The following CRYZL1 variants were observed in gnomAD, a reference collection of about 807,000 sequenced individuals.
The protein encoded by CRYZL1 is ferry endosomal RAB5 effector complex subunit 4.
Under a neutral mutation model 50.6 loss-of-function variants are expected in CRYZL1, and 34 were observed. The observed-to-expected ratio is 0.67, with a 90% CI of 0.51 to 0.89. The LOEUF (loss-of-function observed/expected upper bound fraction) is 0.89. CRYZL1 is among the 40% of genes least tolerant of loss of function. The pLI is 0.00. For synonymous variants in CRYZL1, 125 were observed against 134.3 expected (o/e 0.93, Z 0.48); for missense variants, 354 against 402.3 (o/e 0.88, Z 1.03).
chr21:33,613,216 G>GT (rs1478089356), intron 6 of CRYZL1, among the ~76,000 whole-genome samples: 3 of 151,842 alleles, frequency 2.0e-5, no homozygotes, highest in Admixed American at 6.6e-5. Context: ...ATAACCAAGA[G>GT]TAAAAAAAAA....
At chr21:33,592,121 T>C (rs1345550658) in intron 11 of CRYZL1, among the ~76,000 whole-genome samples, 2 of 151,532 alleles carry the variant, frequency 1.3e-5, no homozygotes, top group African/African-American at 4.8e-5. Flanking sequence ...TTTTTTATTG[T>C]CGTATTATTA....
chr21:33,602,235 T>G lies in CRYZL1; in HGVS notation c.576A>C (p.Ile192=), dbSNP rs1389097677. The change falls in exon 8 of 13, where the codon ATA becomes ATC. Residue 192 remains isoleucine (I), a splice_region_variant and synonymous_variant. Transcript: ENST00000381554. The part of the protein sequence containing the change: ...KQCLERFRPP[I]ARVIDVSNGK... ...GTCTGTGCTCATAATATTACCCACCTATGGGAGGTCTGAATCTTTCAAGGC... is the reference window on the plus strand; with the variant it reads ...GTCTGTGCTCATAATATTACCCACCGATGGGAGGTCTGAATCTTTCAAGGC... 6.6e-7 allele frequency: 1 copy of G among 1,516,044 alleles called. No individual in the cohort carries two copies. The highest frequency in any genetic ancestry group is 1.7e-5 in the Admixed American group (1 of 59,786). The allele number at this position is 1,516,044 out of a possible 1,614,324, so 93.9% of individuals were successfully genotyped here.
Position 33,621,313 on chromosome 21 carries a change from AAAAAAAC to A in CRYZL1, c.217+676_217+682del, listed in dbSNP as rs780402717. Among the ~76,000 whole-genome samples the A allele has an allele frequency of 3.2e-4, 49 of 151,792 alleles. 1 individual carries two copies. The highest frequency in any genetic ancestry group is 6.6e-4 in the Non-Finnish European group (45 of 67,962). On this transcript the variant is annotated intron_variant, in intron 4 of 12. Transcript: ENST00000381554. ...AAATGACAGCTGATGAACCAAAAAA[AAAAAAAC>A]ATCATGTAATTTTTTTTCAAATTAA...
intron 4 of CRYZL1, among the ~76,000 whole-genome samples, chr21:33,621,585 C>A (rs1030299011): frequency 2.0e-5 from 3 of 152,066 alleles, no homozygotes; most frequent in Non-Finnish European, 4.4e-5. Flanking sequence ...TTGTGATCCG[C>A]CCGCCTCAGC....
At chr21:33,641,155 G>T in intron 1 of CRYZL1, 10 of 1,550,038 alleles carry the variant, frequency 6.5e-6, no homozygotes, top group South Asian at 2.4e-5. Flanking sequence ...CCCCGACCCA[G>T]ACCTATCCCA....
chr21:33,613,579 G>C lies in CRYZL1; in HGVS notation c.290C>G (p.Pro97Arg). Reference sequence around the variant, plus strand: ...TACTCTAACAACTTCACAAAGTCCAGGGTCTTCAGAGTCCAGGGGCAAAAT... The same window carrying C: ...TACTCTAACAACTTCACAAAGTCCACGGTCTTCAGAGTCCAGGGGCAAAAT... Reference protein sequence around the residue: ...VGILPLDSEDPGLCEVVRVHE... With the variant: ...VGILPLDSEDRGLCEVVRVHE... Residue 97 changes from proline to arginine, a missense_variant, in exon 6 of 13, where the codon CCT becomes CGT. By Grantham distance (103) the Pro-to-Arg change is moderately radical. Coordinates refer to ENST00000381554, the MANE Select transcript of CRYZL1 (RefSeq NM_145858.3). 1 of 1,613,380 alleles carries C rather than the reference G, an allele frequency of 6.2e-7. No individual in the cohort carries two copies. Among genetic ancestry groups the C allele is most frequent in the Non-Finnish European group, 8.5e-7 (1 of 1,179,428 alleles).
intron 1 of CRYZL1, chr21:33,640,148 T>C: frequency 6.5e-7 from 1 of 1,548,154 alleles, no homozygotes; most frequent in Non-Finnish European, 8.7e-7. Flanking sequence ...TTTGCTCTTC[T>C]GCTCATAAAA....
chr21:33,619,434 C>T (rs1012131332), intron 4 of CRYZL1, among the ~76,000 whole-genome samples: 11 of 152,250 alleles, frequency 7.2e-5, no homozygotes, highest in Non-Finnish European at 1.6e-4. Flanking sequence ...TAAGGCTCAA[C>T]CAAAGGTCTG....
At chr21:33,620,394 T>G (rs910093545) in intron 4 of CRYZL1, among the ~76,000 whole-genome samples, 2 of 152,118 alleles carry the variant, frequency 1.3e-5, no homozygotes, top group Non-Finnish European at 2.9e-5. Context: ...AAAGACAATA[T>G]TGGTCATTCT....
rs1445246279 is a variant in CRYZL1 at position 33,589,806 on chromosome 21, C to G, written c.*16G>C. 1 of 1,503,754 alleles carries G rather than the reference C, an allele frequency of 6.7e-7. No homozygotes were observed. Among genetic ancestry groups the G allele is most frequent in the Admixed American group, 1.7e-5 (1 of 59,524 alleles). 93.2% of individuals were successfully genotyped at this position (1,503,754 alleles called of 1,614,324 possible). On this transcript the variant is annotated 3_prime_UTR_variant, in exon 13 of 13. Transcript: ENST00000381554. ...TGGAATATGTTCATCCGACTGAGGT[C>G]TGAGAAAGAAGAAAATTAAAATTGA...
At chr21:33,636,471 C>A (rs1325957074) in intron 1 of CRYZL1, among the ~76,000 whole-genome samples, 1 of 152,078 alleles carries the variant, frequency 6.6e-6, no homozygotes, top group African/African-American at 2.4e-5. Context: ...ATCAGAATTT[C>A]AAAATGTTTG....
At chr21:33,641,124 C>T (rs2087309570) in intron 1 of CRYZL1, 1 of 1,548,002 alleles carries the variant, frequency 6.5e-7, no homozygotes, top group Non-Finnish European at 8.7e-7. Flanking sequence ...CTGGGAGCTT[C>T]TTAGAAACGC....
chr21:33,634,078 G>A (rs896053945), intron 1 of CRYZL1, among the ~76,000 whole-genome samples: 2 of 152,192 alleles, frequency 1.3e-5, no homozygotes, highest in Non-Finnish European at 2.9e-5. Flanking sequence ...TAGAAATTAC[G>A]TATGTAGCAT....
Position 33,637,976 on chromosome 21 carries a change from A to G in CRYZL1, c.-7+3705T>C, listed in dbSNP as rs114471094. On this transcript the variant is annotated intron_variant, in intron 1 of 12. Coordinates refer to ENST00000381554, the MANE Select transcript of CRYZL1 (RefSeq NM_145858.3). ...AATACTAGCTGGATTGTTAGGGGGA[A>G]ATCTTCAGTTATATTTTGATCATTT... 6.8e-3 allele frequency among the ~76,000 whole-genome samples: 1,011 copies of G among 149,200 alleles called. 13 individuals are homozygous for G. The highest frequency in any genetic ancestry group is 0.024 in the African/African-American group (943 of 38,788).
In CRYZL1 at chr21:33,592,112, T is replaced by G. The variant is rs1415292004; in HGVS notation, c.905-905A>C. Among the ~76,000 whole-genome samples the G allele has an allele frequency of 2.0e-5, 3 of 151,978 alleles. No homozygotes were observed. In the East Asian group the frequency reaches 5.8e-4, roughly 29 times the overall value. Reference sequence around the variant, plus strand: ...AGTGGTTATGCTATTTTTTTTGTTTTTTTTATTGTCGTATTATTACTTTTT... The same window carrying G: ...AGTGGTTATGCTATTTTTTTTGTTTGTTTTATTGTCGTATTATTACTTTTT... On this transcript the variant is annotated intron_variant, in intron 11 of 12. Transcript: ENST00000381554.
chr21:33,616,647 A>G (rs2086936688), intron 5 of CRYZL1, 59 bp downstream of exon 5: 1 of 1,602,960 alleles, frequency 6.2e-7, no homozygotes, highest in African/African-American at 1.3e-5. Context: ...GTTATATAGA[A>G]AAAACAGAGA....
intron 4 of CRYZL1, among the ~76,000 whole-genome samples, chr21:33,618,490 T>C (rs1569089330): frequency 1.3e-5 from 2 of 152,070 alleles, no homozygotes; most frequent in Non-Finnish European, 2.9e-5. Context: ...AACTTCACAA[T>C]GTACCAATAA....
intron 6 of CRYZL1, among the ~76,000 whole-genome samples, chr21:33,607,617 G>GT (rs2086827129): frequency 6.6e-6 from 1 of 152,060 alleles, no homozygotes; most frequent in Admixed American, 6.5e-5. Context: ...GGGCTACAGA[G>GT]TAAGACCCTG....
intron 4 of CRYZL1, among the ~76,000 whole-genome samples, chr21:33,619,428 G>T (rs894799791): frequency 1.3e-5 from 2 of 152,166 alleles, no homozygotes; most frequent in Non-Finnish European, 2.9e-5. Context: ...GATATCTAAG[G>T]CTCAACCAAA....
Sources: gnomAD v4.1 joint callset for allele counts (sites outside exome capture counted in the v4.1 genomes callset) on GRCh38, gnomAD v4.1.1 for gene constraint, MANE v1.5 for transcripts, NCBI Gene and HGNC (gene_info 2026-07-23, HGNC 2026-07-21) for gene names.